PRKG1: variants seen among roughly 807,000 people sequenced by gnomAD.
The protein encoded by PRKG1 is cGMP-dependent protein kinase 1.
Under a neutral mutation model 88.1 loss-of-function variants are expected in PRKG1, and 35 were observed. That is an observed-to-expected ratio of 0.40 (90% CI 0.30 to 0.53). The LOEUF (loss-of-function observed/expected upper bound fraction) is 0.53. Ranked by LOEUF, PRKG1 falls within the 20% of genes least tolerant of loss-of-function variation. The probability of loss-of-function intolerance (pLI) is 0.59; values close to 1 mark genes in which losing one functional copy is unlikely to be tolerated. For synonymous variants in PRKG1, 303 were observed against 292.5 expected (o/e 1.04, Z -0.37); for missense variants, 540 against 839.8 (o/e 0.64, Z 4.41).
At chr10:51,541,618 AGTTT>A (rs1433357987) in intron 3 of PRKG1, among the ~76,000 whole-genome samples, 5 of 152,200 alleles carry the variant, frequency 3.3e-5, no homozygotes, top group African/African-American at 1.2e-4. Context: ...TTTATCACTT[AGTTT>A]AAGATTTTGA....
intron 3 of PRKG1, among the ~76,000 whole-genome samples, chr10:51,521,425 T>G (rs1318287290): frequency 4.6e-5 from 7 of 152,234 alleles, no homozygotes; most frequent in African/African-American, 4.8e-5. Flanking sequence ...GTGATTTATA[T>G]GAAAGGTGAA....
chr10:51,660,415 C>T (rs1007273420), intron 3 of PRKG1, among the ~76,000 whole-genome samples: 4 of 150,248 alleles, frequency 2.7e-5, no homozygotes, highest in African/African-American at 9.8e-5. Context: ...AATGATGGGC[C>T]ATAAAGTGTG....
At chr10:51,395,907 C>T (rs910640955) in intron 2 of PRKG1, among the ~76,000 whole-genome samples, 1 of 152,158 alleles carries the variant, frequency 6.6e-6, no homozygotes, top group African/African-American at 2.4e-5. Context: ...GATTTCCTGT[C>T]TATTCTACCA....
chr10:51,621,688 A>T (rs1839216093), intron 3 of PRKG1, among the ~76,000 whole-genome samples: 1 of 152,168 alleles, frequency 6.6e-6, no homozygotes, highest in African/African-American at 2.4e-5. Flanking sequence ...TCTATTCTAG[A>T]ATTCTGTCAA....
chr10:51,462,610 C>T (rs1352354001), intron 2 of PRKG1, among the ~76,000 whole-genome samples: 1 of 152,162 alleles, frequency 6.6e-6, no homozygotes, highest in Non-Finnish European at 1.5e-5. Flanking sequence ...ACTTATGACT[C>T]AGCTCATTCC....
chr10:51,438,058 C>G (rs1206332855), intron 2 of PRKG1, among the ~76,000 whole-genome samples: 1 of 151,602 alleles, frequency 6.6e-6, no homozygotes, highest in Non-Finnish European at 1.5e-5. Flanking sequence ...CTCTTAGGTT[C>G]TATTTTAGAC....
At position 51,513,015 on chromosome 10, in the gene PRKG1, G is replaced by A. The variant is rs1310985477; in HGVS notation, c.592+45179G>A. Among the ~76,000 whole-genome samples, 19 of 149,320 alleles carry A rather than the reference G, an allele frequency of 1.3e-4. No homozygotes were observed. In the South Asian group the frequency reaches 3.9e-3, roughly 31 times the overall value. On this transcript the variant is annotated intron_variant, in intron 3 of 17. Coordinates refer to ENST00000373980, the MANE Select transcript of PRKG1 (RefSeq NM_006258.4). ...CTTCTTTTGAGAAGTGTCTGTTCAT[G>A]TCCTTCGCCCACTTTTTGATGGGGT...
chr10:51,553,062 C>T (rs1455358014), intron 3 of PRKG1, among the ~76,000 whole-genome samples: 1 of 151,588 alleles, frequency 6.6e-6, no homozygotes, highest in African/African-American at 2.4e-5. Context: ...TCTTGGAAGG[C>T]CTGTGCAACT....
At chr10:52,037,546 G>A (rs1380736396) in intron 5 of PRKG1, among the ~76,000 whole-genome samples, 5 of 152,282 alleles carry the variant, frequency 3.3e-5, no homozygotes, top group African/African-American at 1.2e-4. Context: ...TGCCAAACAA[G>A]TCATGAACTG....
intron 4 of PRKG1, among the ~76,000 whole-genome samples, chr10:51,808,540 C>G (rs1002099454): frequency 5.3e-5 from 8 of 152,090 alleles, no homozygotes; most frequent in African/African-American, 1.9e-4. Flanking sequence ...TAGGTTGAGG[C>G]TGCAGTGACC....
chr10:51,232,865 T>G (rs1838882968), intron 2 of PRKG1, among the ~76,000 whole-genome samples: 8 of 152,174 alleles, frequency 5.3e-5, no homozygotes, highest in Admixed American at 4.6e-4. Context: ...GGTGACCCAT[T>G]TCCATTTCTA....
At chr10:52,051,181 G>A (rs1589559356) in intron 5 of PRKG1, among the ~76,000 whole-genome samples, 1 of 152,168 alleles carries the variant, frequency 6.6e-6, no homozygotes, top group Admixed American at 6.6e-5. Flanking sequence ...CACATGGATA[G>A]GGATATGCTT....
At chr10:51,415,910 AGT>A (rs71459419) in intron 2 of PRKG1, among the ~76,000 whole-genome samples, 28,617 of 146,978 alleles carry the variant, frequency 0.19, 2,737 homozygotes, top group Admixed American at 0.3. Context: ...TAGAGCTTCC[AGT>A]GTGTGTGTGT....
chr10:51,279,318 G>T (rs540029742), intron 2 of PRKG1, among the ~76,000 whole-genome samples: 2 of 152,330 alleles, frequency 1.3e-5, no homozygotes, highest in East Asian at 3.9e-4. Flanking sequence ...TGGTCTGAGA[G>T]ACAGTTTGTT....
intron 5 of PRKG1, among the ~76,000 whole-genome samples, chr10:51,918,829 G>A (rs1842399763): frequency 6.8e-6 from 1 of 146,268 alleles, no homozygotes; most frequent in Non-Finnish European, 1.5e-5. Context: ...AAATTGCCCT[G>A]ACCCAAGATT....
intron 2 of PRKG1, among the ~76,000 whole-genome samples, chr10:51,351,970 G>A (rs1227324258): frequency 2.0e-5 from 3 of 151,974 alleles, no homozygotes; most frequent in Non-Finnish European, 2.9e-5. Context: ...ATGGCTAGCC[G>A]TTTCTCCCAA....
intron 2 of PRKG1, among the ~76,000 whole-genome samples, chr10:51,446,730 C>A (rs967617823): frequency 6.6e-6 from 1 of 152,074 alleles, no homozygotes; most frequent in East Asian, 1.9e-4. Context: ...TTTCTCATCA[C>A]ACACTTCCTC....
chr10:51,054,321 A>G (rs776241606), intron 1 of PRKG1, among the ~76,000 whole-genome samples: 8 of 152,240 alleles, frequency 5.3e-5, no homozygotes, highest in Non-Finnish European at 1.0e-4. Flanking sequence ...AAATGAAAGA[A>G]TAAAGTATAA....
At chr10:51,784,612 C>T (rs949447223) in intron 3 of PRKG1, among the ~76,000 whole-genome samples, 1 of 152,088 alleles carries the variant, frequency 6.6e-6, no homozygotes, top group Admixed American at 6.6e-5. Context: ...TGTCACTTTG[C>T]TAGTTATTGG....
Sources: gnomAD v4.1 joint callset for allele counts (sites outside exome capture counted in the v4.1 genomes callset) on GRCh38, gnomAD v4.1.1 for gene constraint, MANE v1.5 for transcripts, NCBI Gene and HGNC (gene_info 2026-07-23, HGNC 2026-07-21) for gene names.